ZBTB7C: variants seen among roughly 807,000 people sequenced by gnomAD.
The protein encoded by ZBTB7C is zinc finger and BTB domain-containing protein 7C.
Under a neutral mutation model 25.7 loss-of-function variants are expected in ZBTB7C, and 8 were observed. The ratio of observed to expected loss-of-function variants is 0.31; its 90% confidence interval spans 0.18 to 0.56. The LOEUF (loss-of-function observed/expected upper bound fraction) is 0.56, where lower values mean the gene tolerates loss of function less well. ZBTB7C is among the 20% of genes least tolerant of loss of function. ZBTB7C has a pLI of 0.91. For synonymous variants in ZBTB7C, 394 were observed against 369.0 expected, an observed-to-expected ratio of 1.07 and a Z score of -0.78; for missense variants, 824 against 855.2, an observed-to-expected ratio of 0.96 and a Z score of 0.46.
intron 3 of ZBTB7C, among the ~76,000 whole-genome samples, chr18:48,171,232 T>C (rs2041468279): frequency 1.3e-5 from 2 of 152,188 alleles, no homozygotes; most frequent in African/African-American, 2.4e-5. Context: ...AAAGCCCAGC[T>C]TGTGGCTTCT....
chr18:48,303,446 C>G (rs1448306356), intron 2 of ZBTB7C, among the ~76,000 whole-genome samples: 1 of 152,158 alleles, frequency 6.6e-6, no homozygotes, highest in Non-Finnish European at 1.5e-5. Context: ...TCTCTGCCTC[C>G]CCAGATGCCT....
At chr18:48,199,630 CCTCCCCCTCCTT>C (rs1426198042) in intron 2 of ZBTB7C, among the ~76,000 whole-genome samples, 1 of 151,804 alleles carries the variant, frequency 6.6e-6, no homozygotes, top group East Asian at 1.9e-4. Context: ...GTTTCCTTTT[CCTCCCCCTCCTT>C]CTCCCCCTCC....
intron 1 of ZBTB7C, among the ~76,000 whole-genome samples, chr18:48,387,210 C>T (rs2047768535): frequency 6.6e-6 from 1 of 152,138 alleles, no homozygotes; most frequent in African/African-American, 2.4e-5. Context: ...CAGAGGCAAT[C>T]GAAGTCTGGT....
Position 48,175,487 on chromosome 18 carries a change from A to G in ZBTB7C, c.-17+10447T>C, listed in dbSNP as rs755474102. ...TTGGTATGGATTCACAATTTCTAAAATACAAATATGTCAGTGTATGTGCAT... is the reference window on the plus strand; with the variant it reads ...TTGGTATGGATTCACAATTTCTAAAGTACAAATATGTCAGTGTATGTGCAT... On this transcript the variant is annotated intron_variant, in intron 3 of 4. Transcript: ENST00000590800. 1.2e-4 allele frequency among the ~76,000 whole-genome samples: 18 copies of G among 152,236 alleles called. 1 individual carries two copies. Among genetic ancestry groups the G allele is most frequent in the Non-Finnish European group, 2.6e-4 (18 of 68,040 alleles).
chr18:48,351,667 C>T (rs1292354254), intron 1 of ZBTB7C, among the ~76,000 whole-genome samples: 1 of 152,220 alleles, frequency 6.6e-6, no homozygotes, highest in Non-Finnish European at 1.5e-5. Flanking sequence ...CTTTTATGTG[C>T]TGAAGTCAAC....
chr18:48,317,257 CAA>C (rs71165318), intron 2 of ZBTB7C, among the ~76,000 whole-genome samples: 22,541 of 68,194 alleles, frequency 0.33, 1,583 homozygotes, highest in East Asian at 0.58. Flanking sequence ...AACTCCGTCT[CAA>C]AAAAAAAAAA....
chr18:48,064,662 G>A (rs530988571), intron 3 of ZBTB7C, among the ~76,000 whole-genome samples: 9 of 152,304 alleles, frequency 5.9e-5, no homozygotes, highest in African/African-American at 2.2e-4. Flanking sequence ...AGGCTCACTT[G>A]AGCCTGGGAA....
intron 1 of ZBTB7C, among the ~76,000 whole-genome samples, chr18:48,402,663 A>G (rs1380674682): frequency 6.6e-6 from 1 of 152,254 alleles, no homozygotes; most frequent in African/African-American, 2.4e-5. Context: ...CTTTCTGTTT[A>G]GTAAAAGATG....
At chr18:48,177,655 C>G (rs2041729012) in intron 3 of ZBTB7C, among the ~76,000 whole-genome samples, 1 of 152,096 alleles carries the variant, frequency 6.6e-6, no homozygotes, top group African/African-American at 2.4e-5. Flanking sequence ...CAGGCCAGGC[C>G]TGGCCTGTTG....
intron 3 of ZBTB7C, chr18:48,165,126 C>T: frequency 7.8e-7 from 1 of 1,289,608 alleles, no homozygotes. Context: ...TACAGGGACA[C>T]TCACCAACCC....
chr18:48,235,696 T>C (rs1282732887), intron 2 of ZBTB7C, among the ~76,000 whole-genome samples: 1 of 152,172 alleles, frequency 6.6e-6, no homozygotes, highest in Non-Finnish European at 1.5e-5. Flanking sequence ...ATTTTTTTTA[T>C]TATTTATAAA....
rs748451365 is a variant in ZBTB7C, at chr18:48,167,563, GGTGT to G, written c.-17+18367_-17+18370del. Among the ~76,000 whole-genome samples the G allele has an allele frequency of 9.8e-4, 139 of 142,564 alleles. 2 individuals carry two copies. Among genetic ancestry groups the G allele is most frequent in the East Asian group, 8.5e-3 (41 of 4,806 alleles). 93.5% of individuals were successfully genotyped at this position (142,564 alleles called of 152,430 possible). On this transcript the variant is annotated intron_variant, in intron 3 of 4. Coordinates refer to ENST00000590800, the MANE Select transcript of ZBTB7C (RefSeq NM_001318841.2). Reference sequence around the variant, plus strand: ...TAAATGCAGGCCACTGCATTGCTAGGGTGTGTGTGTGTGTGTGTGTGTGTGTGTG... The same window carrying G: ...TAAATGCAGGCCACTGCATTGCTAGGGTGTGTGTGTGTGTGTGTGTGTGTG...
At chr18:48,241,652 A>G (rs547514571) in intron 2 of ZBTB7C, among the ~76,000 whole-genome samples, 1 of 152,282 alleles carries the variant, frequency 6.6e-6, no homozygotes, top group South Asian at 2.1e-4. Flanking sequence ...AATTATTTGA[A>G]CTGAACAATA....
chr18:48,237,123 C>T (rs2043401472), intron 2 of ZBTB7C, among the ~76,000 whole-genome samples: 1 of 152,170 alleles, frequency 6.6e-6, no homozygotes, highest in Admixed American at 6.5e-5. Flanking sequence ...TCTGGCTTCT[C>T]CCCTCCTAAA....
At chr18:48,167,684 C>A (rs2041314605) in intron 3 of ZBTB7C, among the ~76,000 whole-genome samples, 1 of 152,132 alleles carries the variant, frequency 6.6e-6, no homozygotes, top group African/African-American at 2.4e-5. Context: ...TTGCCAGAAA[C>A]AATGAATTAG....
intron 3 of ZBTB7C, among the ~76,000 whole-genome samples, chr18:48,169,417 A>G (rs2041388232): frequency 6.6e-6 from 1 of 152,204 alleles, no homozygotes; most frequent in South Asian, 2.1e-4. Flanking sequence ...CAGGGACCCC[A>G]GGAAGCTAAC....
chr18:48,190,426 C>T (rs114919349), intron 2 of ZBTB7C, among the ~76,000 whole-genome samples: 259 of 152,274 alleles, frequency 1.7e-3, no homozygotes, highest in African/African-American at 5.8e-3. Context: ...ATCCTGCCTG[C>T]CAACTCCGTG....
At chr18:48,332,629 C>T (rs1166108677) in intron 2 of ZBTB7C, among the ~76,000 whole-genome samples, 5 of 149,900 alleles carry the variant, frequency 3.3e-5, no homozygotes, top group Non-Finnish European at 7.4e-5. Flanking sequence ...TATCAGTTTA[C>T]CCTTTCCTAG....
intron 1 of ZBTB7C, among the ~76,000 whole-genome samples, chr18:48,376,835 C>A (rs2047530854): frequency 6.6e-6 from 1 of 152,226 alleles, no homozygotes. Context: ...AGTAATGACA[C>A]CCTCCTCCTC....
Sources: gnomAD v4.1 joint callset for allele counts (sites outside exome capture counted in the v4.1 genomes callset) on GRCh38, gnomAD v4.1.1 for gene constraint, MANE v1.5 for transcripts, NCBI Gene and HGNC (gene_info 2026-07-23, HGNC 2026-07-21) for gene names.